The following HNF4G variants were observed in gnomAD, a reference collection of about 807,000 sequenced individuals.
HNF4G encodes hepatocyte nuclear factor 4-gamma.
In HNF4G, 21 loss-of-function variants were observed where a neutral mutation model predicts 50.9. The observed-to-expected ratio is 0.41, with a 90% CI of 0.29 to 0.59. The LOEUF is 0.59. Ranked by LOEUF, HNF4G falls within the 20% of genes least tolerant of loss-of-function variation. HNF4G has a pLI of 0.26. For missense variants in HNF4G, 527 were observed against 559.4 expected (o/e 0.94, Z 0.58); for synonymous variants, 198 against 185.6 (o/e 1.07, Z -0.54).
intron 1 of HNF4G, among the ~76,000 whole-genome samples, chr8:75,480,333 G>C (rs1248208461): frequency 6.6e-6 from 1 of 152,200 alleles, no homozygotes; most frequent in Admixed American, 6.5e-5. Flanking sequence ...AGTGCCCAAA[G>C]TGTCAAAGCT....
rs1025100248 is a variant in HNF4G, at chr8:75,489,689, A to C, written c.-143-400A>C. ...ACATGGGGTCATACACACAGGTGCAAACTAAAAGGGAGTTTAGATTGCTCA... is the reference window on the plus strand; with the variant it reads ...ACATGGGGTCATACACACAGGTGCACACTAAAAGGGAGTTTAGATTGCTCA... On this transcript the variant is annotated intron_variant, in intron 1 of 10. Transcript: ENST00000354370. Among the ~76,000 whole-genome samples the C allele has an allele frequency of 2.6e-5, 4 of 152,300 alleles. No homozygotes were observed. In the East Asian group the frequency reaches 7.7e-4, roughly 29 times the overall value.
chr8:75,409,478 T>C (rs1810443491), intron 1 of HNF4G, among the ~76,000 whole-genome samples: 1 of 127,878 alleles, frequency 7.8e-6, no homozygotes, highest in Non-Finnish European at 1.6e-5. Flanking sequence ...GAGTGCCTTG[T>C]TCTTTTTTTT....
chr8:75,458,486 CAG>C (rs1427152889), intron 1 of HNF4G, among the ~76,000 whole-genome samples: 1 of 148,490 alleles, frequency 6.7e-6, no homozygotes, highest in Non-Finnish European at 1.5e-5. Context: ...CCAAATGATA[CAG>C]GGGTCAAATT....
At chr8:75,408,620 C>T (rs747801651) in intron 1 of HNF4G, among the ~76,000 whole-genome samples, 1 of 152,168 alleles carries the variant, frequency 6.6e-6, no homozygotes, top group Non-Finnish European at 1.5e-5. Context: ...TAGTTAACAA[C>T]GTGCCAGTTA....
intron 2 of HNF4G, among the ~76,000 whole-genome samples, chr8:75,492,160 T>C (rs1812647191): frequency 6.6e-6 from 1 of 152,230 alleles, no homozygotes; most frequent in Non-Finnish European, 1.5e-5. Flanking sequence ...CTTGAAATGC[T>C]TGTTTCTTTA....
At chr8:75,534,932 T>C (rs1195970040), upstream of HNF4G, among the ~76,000 whole-genome samples, 2 of 151,648 alleles carry the variant, frequency 1.3e-5, no homozygotes, top group African/African-American at 2.4e-5. Flanking sequence ...TTTCAACAAA[T>C]CGAGGACAGG....
chr8:75,482,772 G>A (rs941758253), intron 1 of HNF4G, among the ~76,000 whole-genome samples: 4 of 152,210 alleles, frequency 2.6e-5, no homozygotes, highest in East Asian at 1.9e-4. Flanking sequence ...CTTGCTGGTC[G>A]TCATGCTTGC....
At chr8:75,449,509 C>CTTTT (rs71271864) in intron 1 of HNF4G, among the ~76,000 whole-genome samples, 34 of 129,326 alleles carry the variant, frequency 2.6e-4, no homozygotes, top group Non-Finnish European at 3.3e-4. Flanking sequence ...ATATTTTTTT[C>CTTTT]TTTTTTTTTT....
intron 1 of HNF4G, among the ~76,000 whole-genome samples, chr8:75,459,767 G>A (rs934395903): frequency 6.6e-5 from 10 of 152,120 alleles, no homozygotes; most frequent in African/African-American, 2.4e-5. Context: ...TCTGGTGGCA[G>A]CATGGACAGG....
chr8:75,416,460 A>G (rs1810636824), intron 1 of HNF4G, among the ~76,000 whole-genome samples: 3 of 152,154 alleles, frequency 2.0e-5, no homozygotes, highest in Admixed American at 2.0e-4. Flanking sequence ...TTTAACTCCT[A>G]TAGGTTCTTT....
chr8:75,498,206 T>A lies in HNF4G; in HGVS notation c.-24+7998T>A, dbSNP rs185164882. ...TATATTATTCAAAGCCCATATCCAA[T>A]TTTTGGGTCTTCTATTAACTTGTTT... On this transcript the variant is annotated intron_variant, in intron 2 of 10. Coordinates refer to the HNF4G transcript ENST00000354370. 2.1e-3 allele frequency among the ~76,000 whole-genome samples: 327 copies of A among 152,280 alleles called. 2 individuals are homozygous for A. Among genetic ancestry groups the A allele is most frequent in the African/African-American group, 7.6e-3 (316 of 41,572 alleles).
chr8:75,477,235 T>C (rs1812261387), intron 1 of HNF4G, among the ~76,000 whole-genome samples: 1 of 152,258 alleles, frequency 6.6e-6, no homozygotes, highest in Admixed American at 6.5e-5. Flanking sequence ...TATATGTATA[T>C]GTTCCCCATG....
chr8:75,522,008 C>G (rs777023347), intron 2 of HNF4G, among the ~76,000 whole-genome samples: 1 of 152,154 alleles, frequency 6.6e-6, no homozygotes, highest in Non-Finnish European at 1.5e-5. Flanking sequence ...TTTATACTTA[C>G]GATGTTTTCA....
At chr8:75,482,017 T>C (rs1812392873) in intron 1 of HNF4G, among the ~76,000 whole-genome samples, 1 of 152,172 alleles carries the variant, frequency 6.6e-6, no homozygotes, top group Non-Finnish European at 1.5e-5. Flanking sequence ...AAAATCATGA[T>C]ATTGAAGTTT....
chr8:75,441,091 C>T (rs1226432528), intron 1 of HNF4G, among the ~76,000 whole-genome samples: 2 of 151,952 alleles, frequency 1.3e-5, no homozygotes, highest in Non-Finnish European at 2.9e-5. Context: ...ATTGCAGTTC[C>T]CAATCTAATT....
At chr8:75,497,298 CAT>C (rs1337605943) in intron 2 of HNF4G, among the ~76,000 whole-genome samples, 1 of 152,086 alleles carries the variant, frequency 6.6e-6, no homozygotes, top group Non-Finnish European at 1.5e-5. Context: ...CTGCTGGACA[CAT>C]AGAGACCAGG....
At chr8:75,529,157 G>A (rs938577483) in intron 2 of HNF4G, among the ~76,000 whole-genome samples, 5 of 152,088 alleles carry the variant, frequency 3.3e-5, no homozygotes, top group Admixed American at 1.3e-4. Flanking sequence ...TGGGAGTGGT[G>A]GCGGGCGCCT....
At chr8:75,472,553 AT>A (rs1256866608) in intron 1 of HNF4G, among the ~76,000 whole-genome samples, 2 of 152,304 alleles carry the variant, frequency 1.3e-5, no homozygotes, top group East Asian at 3.9e-4. Context: ...GCCTTACCCT[AT>A]TCCCTTAGTA....
At chr8:75,412,504 C>CA (rs1037658796) in intron 1 of HNF4G, among the ~76,000 whole-genome samples, 1 of 152,080 alleles carries the variant, frequency 6.6e-6, no homozygotes, top group African/African-American at 2.4e-5. Context: ...TAAAGGATAA[C>CA]AAAAAAATTG....
Sources: allele counts gnomAD v4.1 joint callset (sites outside exome capture counted in the v4.1 genomes callset), GRCh38; gene constraint gnomAD v4.1.1; transcripts MANE v1.5; gene names NCBI Gene and HGNC (gene_info 2026-07-23, HGNC 2026-07-21).